Variants in CDK1 observed in about 807,000 individuals in gnomAD.
CDK1 encodes cyclin dependent kinase 1.
A neutral mutation model predicts 34.6 loss-of-function variants in CDK1; 5 were observed. That is an observed-to-expected ratio of 0.14 (90% confidence interval 0.08 to 0.30). The LOEUF is 0.30. Ranked by LOEUF, CDK1 falls within the 10% of genes least tolerant of loss-of-function variation. The pLI, the probability that CDK1 is intolerant of heterozygous loss-of-function variation, is 1.00. For missense variants in CDK1, 157 were observed against 345.7 expected (o/e 0.45, Z 4.33); for synonymous variants, 108 against 114.7 (o/e 0.94, Z 0.37).
intron 5 of CDK1, among the ~76,000 whole-genome samples, 179 bp downstream of exon 5, chr10:60,788,409 T>A (rs2080333182): frequency 6.6e-6 from 1 of 152,108 alleles, no homozygotes; most frequent in African/African-American, 2.4e-5. Flanking sequence ...CTGAAGCCTT[T>A]AAGTATTTTT....
At chr10:60,788,252 G>T in intron 5 of CDK1, 22 bp downstream of exon 5, 1 of 1,495,774 alleles carries the variant, frequency 6.7e-7, no homozygotes, top group South Asian at 1.4e-5. Flanking sequence ...AGTGGTTTTT[G>T]ATGGCTTTTG....
At chr10:60,781,601 C>A (rs533740525) in intron 2 of CDK1, among the ~76,000 whole-genome samples, 1 of 152,294 alleles carries the variant, frequency 6.6e-6, no homozygotes, top group East Asian at 1.9e-4. Flanking sequence ...AACACTGTCT[C>A]CAAAACCATC....
chr10:60,787,128 C>T, intron 4 of CDK1: 1 of 936,678 alleles, frequency 1.1e-6, no homozygotes, highest in Non-Finnish European at 1.3e-6. Flanking sequence ...GTTTTACTTA[C>T]AATTTTTCAG....
chr10:60,786,302 T>C, intron 4 of CDK1: 1 of 977,812 alleles, frequency 1.0e-6, no homozygotes, highest in Non-Finnish European at 1.2e-6. Flanking sequence ...CTTACACTTG[T>C]ATGTATGTTC....
chr10:60,785,946 A>G, intron 4 of CDK1, 159 bp downstream of exon 4: 1 of 1,237,590 alleles, frequency 8.1e-7, no homozygotes, highest in South Asian at 3.4e-5. Context: ...TACAGGTTAG[A>G]GATACCCATG....
At chr10:60,788,305 C>G in intron 5 of CDK1, 75 bp downstream of exon 5, 6 of 1,048,724 alleles carry the variant, frequency 5.7e-6, no homozygotes, top group Non-Finnish European at 8.0e-6. Context: ...TTGTGAAAGT[C>G]AAGAAATAAC....
At chr10:60,784,633 G>GAA in intron 2 of CDK1, 72 bp from the exon 3 acceptor site, 137 of 1,035,970 alleles carry the variant, frequency 1.3e-4, no homozygotes, top group South Asian at 4.1e-4. Context: ...CTGCCATAAG[G>GAA]AAAAAAAAAA....
At chr10:60,778,372 A>G (rs2080240416), upstream of CDK1, 1 of 152,184 alleles carries the variant, frequency 6.6e-6, no homozygotes, top group Non-Finnish European at 1.5e-5. Context: ...GCCACCCGGG[A>G]AGGCCTGCCC....
At position 60,778,533 on chromosome 10, in the gene CDK1, G is replaced by C. The variant is rs1296490974; in HGVS notation, c.-63G>C. On this transcript the variant is annotated 5_prime_UTR_variant, in exon 1 of 8. Transcript: ENST00000395284. ...TTGAGCGGAGAGCGACGCGGTTGTT[G>C]TAGCTGCCGCTGCGGCCGCCGCGGA... 1.3e-5 allele frequency: 2 copies of C among 152,448 alleles called. No homozygotes were observed. The highest frequency in any genetic ancestry group is 4.8e-5 in the African/African-American group (2 of 41,456). 9.4% of individuals were successfully genotyped at this position (152,448 alleles called of 1,614,324 possible). A position where few individuals can be genotyped will look rare whatever the true frequency, so the allele number is the denominator to read the frequency against.
rs936394192 is a variant in CDK1 at position 60,794,423 on chromosome 10, G to A, written c.*448G>A. The A allele has an allele frequency of 6.6e-6, 1 of 152,190 alleles. No individual in the cohort carries two copies. The highest frequency in any genetic ancestry group is 2.4e-5 in the African/African-American group (1 of 41,452). The allele number at this position is 152,190 out of a possible 1,614,324, so 9.4% of individuals were successfully genotyped here. A position where few individuals can be genotyped will look rare whatever the true frequency, so the allele number is the denominator to read the frequency against. The stretch of plus-strand genomic sequence containing the variant: ...TTGTTAACTATACAACCTGGCTAAA[G>A]ATGAATATTTTTCTACTGGTATTTT... On this transcript the variant is annotated 3_prime_UTR_variant, in exon 8 of 8. Transcript: ENST00000395284.
At chr10:60,785,909 TC>T in intron 4 of CDK1, 122 bp downstream of exon 4, 31 of 1,316,408 alleles carry the variant, frequency 2.4e-5, no homozygotes, top group Non-Finnish European at 3.0e-5. Context: ...AAAAAGTATT[TC>T]ATTTTTCTCC....
chr10:60,791,176 G>A (rs770104091), intron 5 of CDK1, among the ~76,000 whole-genome samples: 1 of 151,810 alleles, frequency 6.6e-6, no homozygotes, highest in African/African-American at 2.4e-5. Flanking sequence ...TGTCTTTTTT[G>A]TATCTTCCTA....
intron 5 of CDK1, 127 bp downstream of exon 5, chr10:60,788,357 C>T (rs1203216744): frequency 3.5e-6 from 2 of 566,966 alleles, no homozygotes; most frequent in Middle Eastern, 3.0e-4. Context: ...CAATTTATTG[C>T]CTCTCAGCTC....
In CDK1 at chr10:60,794,577, T is replaced by C. The variant is rs2080385307; in HGVS notation, c.*602T>C. The C allele has an allele frequency of 1.3e-5, 2 of 152,154 alleles. No homozygotes were observed. Among genetic ancestry groups the C allele is most frequent in the Non-Finnish European group, 2.9e-5 (2 of 67,998 alleles). The allele number at this position is 152,154 out of a possible 1,614,324, so 9.4% of individuals were successfully genotyped here. A position where few individuals can be genotyped will look rare whatever the true frequency, so the allele number is the denominator to read the frequency against. On this transcript the variant is annotated 3_prime_UTR_variant, in exon 8 of 8. Transcript: ENST00000395284. ...TGAGAGCATGCCAAAATTTGCTAAG[T>C]CTTACAAAGATCAAGGGCTGTCCGC...
intron 4 of CDK1, 134 bp downstream of exon 4, chr10:60,785,921 C>A: frequency 9.2e-6 from 12 of 1,298,374 alleles, no homozygotes; most frequent in Non-Finnish European, 1.1e-5. Context: ...ATTTTTCTCC[C>A]TCATGGTTAG....
At chr10:60,787,031 C>T in intron 4 of CDK1, 1 of 984,114 alleles carries the variant, frequency 1.0e-6, no homozygotes, top group Non-Finnish European at 1.2e-6. Context: ...TTTATTTTGA[C>T]TTAAAAACTG....
intron 2 of CDK1, 60 bp from the exon 3 acceptor site, chr10:60,784,645 G>GA: frequency 1.5e-6 from 2 of 1,359,894 alleles, no homozygotes; most frequent in South Asian, 2.7e-5. Flanking sequence ...AAAAAAAAAA[G>GA]AAAAAAAGAT....
In CDK1 at chr10:60,792,546, ATT is replaced by A. The variant is rs5785467; in HGVS notation, c.795+267_795+268del. Among the ~76,000 whole-genome samples the A allele has an allele frequency of 3.7e-4, 55 of 150,522 alleles. No homozygotes were observed. In the East Asian group the frequency reaches 7.0e-3, roughly 19 times the overall value. Reference sequence around the variant, plus strand: ...GAGGGAGAAGCCAGGATTAATACACATTTTTTTTTTTAAGTTGCTGAATTGTA... The same window carrying A: ...GAGGGAGAAGCCAGGATTAATACACATTTTTTTTTAAGTTGCTGAATTGTA... On this transcript the variant is annotated intron_variant, in intron 7 of 7. Coordinates refer to ENST00000395284, the MANE Select transcript of CDK1 (RefSeq NM_001786.5).
At chr10:60,788,339 G>A in intron 5 of CDK1, 109 bp downstream of exon 5, 2 of 796,458 alleles carry the variant, frequency 2.5e-6, no homozygotes, top group Non-Finnish European at 3.8e-6. Context: ...TCTACTCTGT[G>A]GCAGTATCAA....
Sources: allele counts gnomAD v4.1 joint callset (sites outside exome capture counted in the v4.1 genomes callset), GRCh38; gene constraint gnomAD v4.1.1; transcripts MANE v1.5; gene names NCBI Gene and HGNC (gene_info 2026-07-23, HGNC 2026-07-21).